KSR2: variants seen among roughly 807,000 people sequenced by gnomAD.
The protein encoded by KSR2 is kinase suppressor of ras 2.
Under a neutral mutation model 107.8 loss-of-function variants are expected in KSR2, and 25 were observed. The ratio of observed to expected loss-of-function variants is 0.23; its 90% CI spans 0.17 to 0.32. KSR2 has a LOEUF of 0.32. Among genes scored for constraint, KSR2 ranks in the 10% least tolerant of loss-of-function variants. KSR2 has a pLI of 1.00. For missense variants in KSR2, 887 were observed against 1,268.9 expected (o/e 0.70, Z 4.57); for synonymous variants, 480 against 507.0 (o/e 0.95, Z 0.71).
chr12:117,714,020 A>C (rs1246617847), intron 4 of KSR2, among the ~76,000 whole-genome samples: 1 of 151,552 alleles, frequency 6.6e-6, no homozygotes, highest in Non-Finnish European at 1.5e-5. Flanking sequence ...AAGAGGTCAG[A>C]GTGAAGAAGA....
At chr12:117,673,646 C>T (rs2136507955) in intron 4 of KSR2, among the ~76,000 whole-genome samples, 1 of 152,230 alleles carries the variant, frequency 6.6e-6, no homozygotes, top group Non-Finnish European at 1.5e-5. Context: ...ATGTGGGATT[C>T]ACCTTTCCAT....
chr12:117,644,003 C>T (rs892393326), intron 5 of KSR2, among the ~76,000 whole-genome samples: 2 of 152,218 alleles, frequency 1.3e-5, no homozygotes, highest in African/African-American at 4.8e-5. Context: ...GAAGCCTCCT[C>T]TTTGGCCTTG....
intron 4 of KSR2, among the ~76,000 whole-genome samples, chr12:117,752,017 A>G (rs772637283): frequency 6.6e-6 from 1 of 152,238 alleles, no homozygotes; most frequent in Non-Finnish European, 1.5e-5. Context: ...AGTGAGTTTA[A>G]GTGCTTATAC....
intron 1 of KSR2, among the ~76,000 whole-genome samples, chr12:117,949,088 C>A (rs538958165): frequency 2.0e-5 from 3 of 151,988 alleles, no homozygotes; most frequent in Non-Finnish European, 4.4e-5. Flanking sequence ...GAGTGAGACT[C>A]TGTCTCAAAA....
intron 1 of KSR2, among the ~76,000 whole-genome samples, chr12:117,942,477 CT>C (rs754705439): frequency 6.6e-6 from 1 of 150,606 alleles, no homozygotes; most frequent in Non-Finnish European, 1.5e-5. Context: ...ATTTCTTTTT[CT>C]TTTCCTTTTT....
chr12:117,818,778 C>T (rs549323411), intron 3 of KSR2, among the ~76,000 whole-genome samples: 2 of 152,176 alleles, frequency 1.3e-5, no homozygotes, highest in South Asian at 2.1e-4. Context: ...CTTAGTGTTC[C>T]CCAGCTGCAG....
At chr12:117,534,612 GAAT>G (rs1875899928) in intron 10 of KSR2, among the ~76,000 whole-genome samples, 1 of 152,052 alleles carries the variant, frequency 6.6e-6, no homozygotes, top group South Asian at 2.1e-4. Context: ...GTTGTCGGCA[GAAT>G]AATGCCTGCC....
At chr12:117,895,234 CTAAGTATCTATAT>C (rs1357858139) in intron 1 of KSR2, among the ~76,000 whole-genome samples, 1 of 151,982 alleles carries the variant, frequency 6.6e-6, no homozygotes, top group African/African-American at 2.4e-5. Context: ...GATCCTGTCT[CTAAGTATCTATAT>C]AAAATATATA....
rs1876272849 is a variant in KSR2, at chr12:117,539,138, T to G, written c.1687+581A>C. 3.3e-5 allele frequency among the ~76,000 whole-genome samples: 5 copies of G among 152,288 alleles called. No homozygotes were observed. In the South Asian group the frequency reaches 1.0e-3, roughly 32 times the overall value. ...CCTGAGCTAGAGGAACCTTCCAGAT[T>G]ATCTTGTCCAACTACATCTTTTCAG... is the stretch of plus-strand genomic sequence containing the variant. On this transcript the variant is annotated intron_variant, in intron 10 of 19. Transcript: ENST00000339824.
intron 1 of KSR2, among the ~76,000 whole-genome samples, chr12:117,951,370 C>T (rs1265475301): frequency 6.6e-6 from 1 of 152,118 alleles, no homozygotes; most frequent in Non-Finnish European, 1.5e-5. Flanking sequence ...TAAACTTGCT[C>T]GGCCTCCTGA....
chr12:117,673,448 G>A (rs1249175975), intron 4 of KSR2, among the ~76,000 whole-genome samples: 1 of 152,040 alleles, frequency 6.6e-6, no homozygotes, highest in East Asian at 1.9e-4. Flanking sequence ...TGGAAGGATG[G>A]ACAGATGGAA....
chr12:117,916,400 G>C (rs902944818), intron 1 of KSR2, among the ~76,000 whole-genome samples: 3 of 152,212 alleles, frequency 2.0e-5, no homozygotes, highest in African/African-American at 7.2e-5. Flanking sequence ...TCCTCCCAAA[G>C]TGCTGGGAAT....
intron 5 of KSR2, among the ~76,000 whole-genome samples, chr12:117,631,443 T>A (rs1274661926): frequency 1.3e-5 from 2 of 152,232 alleles, no homozygotes; most frequent in East Asian, 3.8e-4. Context: ...TTGAAAAATA[T>A]CTTAGACTTT....
At chr12:117,727,235 C>T (rs1303247875) in intron 4 of KSR2, among the ~76,000 whole-genome samples, 1 of 150,894 alleles carries the variant, frequency 6.6e-6, no homozygotes, top group East Asian at 1.9e-4. Flanking sequence ...AATAGCCAGG[C>T]ATGATGGCGG....
intron 4 of KSR2, among the ~76,000 whole-genome samples, chr12:117,689,694 T>C (rs1275861766): frequency 6.7e-6 from 1 of 148,464 alleles, no homozygotes; most frequent in Non-Finnish European, 1.5e-5. Flanking sequence ...ACAACACATA[T>C]AGTATGACCG....
chr12:117,570,347 T>C (rs1000393518), intron 7 of KSR2, among the ~76,000 whole-genome samples: 4 of 152,270 alleles, frequency 2.6e-5, no homozygotes, highest in South Asian at 2.1e-4. Flanking sequence ...TACTGGCATC[T>C]AGTGGGTAGA....
In KSR2 at chr12:117,730,756, C is replaced by T. The variant is rs868334906; in HGVS notation, c.986+30255G>A. ...AGCTCCTGACCGCGAGTGATCTGCC[C>T]GCCTCGGCCTCCCGAGGTGCCGGGA... is the stretch of plus-strand genomic sequence containing the variant. On this transcript the variant is annotated intron_variant, in intron 4 of 19. Transcript: ENST00000339824. Among the ~76,000 whole-genome samples, 5 of 152,198 alleles carry T rather than the reference C, an allele frequency of 3.3e-5. 1 individual carries two copies. Among genetic ancestry groups the T allele is most frequent in the African/African-American group, 9.6e-5 (4 of 41,454 alleles).
Position 117,462,092 on chromosome 12 carries a change from T to C in KSR2, c.*5107A>G, listed in dbSNP as rs1470735733. On this transcript the variant is annotated 3_prime_UTR_variant, in exon 20 of 20. Transcript: ENST00000339824. ...GACGTGTTGATTGGGGCAAGCTTGG[T>C]AAGCATGACAGCAACAGCCTGACCT... 6.6e-6 allele frequency: 1 copy of C among 152,018 alleles called. No individual in the cohort carries two copies. Among genetic ancestry groups the C allele is most frequent in the Non-Finnish European group, 1.5e-5 (1 of 68,026 alleles). The allele number at this position is 152,018 out of a possible 1,614,324, so 9.4% of individuals were successfully genotyped here.
At chr12:117,726,389 G>A (rs952980774) in intron 4 of KSR2, among the ~76,000 whole-genome samples, 39 of 152,266 alleles carry the variant, frequency 2.6e-4, no homozygotes, top group Non-Finnish European at 4.7e-4. Context: ...AAAGTTAGAT[G>A]CCTGACAATG....
Sources: allele counts gnomAD v4.1 joint callset (sites outside exome capture counted in the v4.1 genomes callset), GRCh38; gene constraint gnomAD v4.1.1; transcripts MANE v1.5; gene names NCBI Gene and HGNC (gene_info 2026-07-23, HGNC 2026-07-21).